Variants in C2CD2 observed in about 807,000 individuals in gnomAD.
C2CD2 encodes C2 calcium dependent domain containing 2.
A neutral mutation model predicts 74.3 loss-of-function variants in C2CD2; 43 were observed. The observed-to-expected ratio is 0.58, with a 90% confidence interval of 0.45 to 0.75. The LOEUF (loss-of-function observed/expected upper bound fraction) is 0.75. Among genes scored for constraint, C2CD2 ranks in the 30% least tolerant of loss-of-function variants. C2CD2 has a pLI of 0.00. For synonymous variants in C2CD2, 422 were observed against 390.7 expected (o/e 1.08, Z -0.94); for missense variants, 801 against 916.3 (o/e 0.87, Z 1.63).
In C2CD2 at chr21:41,915,598, G is replaced by A. The variant is rs150943336; in HGVS notation, c.721-877C>T. On this transcript the variant is annotated intron_variant, in intron 5 of 13. Transcript: ENST00000380486. The stretch of plus-strand genomic sequence containing the variant: ...ATTACAGGTGCCCGCCACCACACCC[G>A]GCTAATTCTTTTTGTATTTTTAGTA... Among the ~76,000 whole-genome samples the A allele has an allele frequency of 2.6e-3, 400 of 152,082 alleles. 1 individual carries two copies. Among genetic ancestry groups the A allele is most frequent in the African/African-American group, 6.4e-3 (265 of 41,492 alleles).
chr21:41,944,295 G>A (rs1163294980), intron 1 of C2CD2, among the ~76,000 whole-genome samples: 1 of 152,072 alleles, frequency 6.6e-6, no homozygotes, highest in Non-Finnish European at 1.5e-5. Context: ...GACGGATCAC[G>A]AGGTCAGGCG....
intron 6 of C2CD2, 113 bp downstream of exon 6, chr21:41,914,485 C>T (rs1490807519): frequency 2.4e-6 from 2 of 822,450 alleles, no homozygotes; most frequent in East Asian, 5.7e-5. Flanking sequence ...AGGGCTCCCG[C>T]TGCACCCCCA....
chr21:41,886,406 A>C lies in C2CD2; in HGVS notation c.*2718T>G, dbSNP rs1168664274. ...CACCATGAAAAAACAAACCTGTATAAAACAGCTTGGAAAACAAACATTCAC... is the reference window on the plus strand; with the variant it reads ...CACCATGAAAAAACAAACCTGTATACAACAGCTTGGAAAACAAACATTCAC... On this transcript the variant is annotated 3_prime_UTR_variant, in exon 14 of 14. Coordinates refer to ENST00000380486, the MANE Select transcript of C2CD2 (RefSeq NM_015500.2). 2.6e-5 allele frequency: 4 copies of C among 152,250 alleles called. No individual in the cohort carries two copies. Among genetic ancestry groups the C allele is most frequent in the Admixed American group, 2.6e-4 (4 of 15,286 alleles). The allele number at this position is 152,250 out of a possible 1,614,324, so 9.4% of individuals were successfully genotyped here.
chr21:41,946,334 T>A (rs1298909257), intron 1 of C2CD2, among the ~76,000 whole-genome samples: 1 of 152,204 alleles, frequency 6.6e-6, no homozygotes, highest in Admixed American at 6.5e-5. Context: ...TAATCTCCAG[T>A]GTTACCAGAT....
At position 41,914,648 on chromosome 21, in the gene C2CD2, A is replaced by G. The variant is rs2065067703; in HGVS notation, c.794T>C (p.Leu265Pro). Reference sequence around the variant, plus strand: ...CAAGACGTGGATGTTCCTCACCAGTAGCTTCAGCTCGTGAGCCCTTGGAGG... The same window carrying G: ...CAAGACGTGGATGTTCCTCACCAGTGGCTTCAGCTCGTGAGCCCTTGGAGG... ...PKPPRAHELK[L>P]LVRNIHVLLL... The change falls in exon 6 of 14, where the codon CTA becomes CCA. Residue 265 changes from leucine (L) to proline (P), a missense_variant. Transcript: ENST00000380486. The G allele has an allele frequency of 3.7e-6, 6 of 1,613,718 alleles. No individual in the cohort carries two copies. The highest frequency in any genetic ancestry group is 1.7e-5 in the Admixed American group (1 of 59,994).
chr21:41,901,586 A>T, intron 12 of C2CD2, 36 bp downstream of exon 12: 1 of 1,611,976 alleles, frequency 6.2e-7, no homozygotes. Context: ...CTGACAGATG[A>T]CCAGATGAAC....
chr21:41,946,615 C>A (rs538997180), intron 1 of C2CD2, among the ~76,000 whole-genome samples: 1 of 152,324 alleles, frequency 6.6e-6, no homozygotes, highest in South Asian at 2.1e-4. Flanking sequence ...AATTAAACCT[C>A]ATTTCTTATA....
At chr21:41,952,181 C>T (rs764397991) in intron 1 of C2CD2, among the ~76,000 whole-genome samples, 1 of 152,254 alleles carries the variant, frequency 6.6e-6, no homozygotes. Context: ...AGTCAGTCAA[C>T]TGACCCTGAA....
intron 4 of C2CD2, 52 bp from the exon 5 acceptor site, chr21:41,918,279 C>A (rs2065115385): frequency 1.3e-6 from 2 of 1,596,376 alleles, no homozygotes; most frequent in South Asian, 2.3e-5. Flanking sequence ...CCACTCCCTG[C>A]TCCCAATCTC....
At chr21:41,909,110 C>T (rs974657799) in intron 8 of C2CD2, among the ~76,000 whole-genome samples, 2 of 152,166 alleles carry the variant, frequency 1.3e-5, no homozygotes, top group African/African-American at 2.4e-5. Context: ...GTTTATCTTA[C>T]TACAGTTAAA....
chr21:41,922,290 A>C (rs1032141446), intron 2 of C2CD2, among the ~76,000 whole-genome samples: 3 of 147,528 alleles, frequency 2.0e-5, no homozygotes, highest in South Asian at 4.3e-4. Flanking sequence ...TCCTGAGTAC[A>C]TGAAACTACA....
chr21:41,897,473 G>A (rs117474463), intron 13 of C2CD2, among the ~76,000 whole-genome samples: 4,970 of 152,234 alleles, frequency 0.033, 127 homozygotes, highest in Non-Finnish European at 0.049. Context: ...CATAACCCAA[G>A]CCAAGGCCTC....
chr21:41,894,372 A>G (rs2064795551), intron 13 of C2CD2, among the ~76,000 whole-genome samples: 1 of 152,200 alleles, frequency 6.6e-6, no homozygotes, highest in African/African-American at 2.4e-5. Context: ...ACAAATGAGG[A>G]AGCTAAGGTT....
chr21:41,908,667 A>G (rs2064993453), intron 8 of C2CD2: 1 of 152,208 alleles, frequency 6.6e-6, no homozygotes, highest in Non-Finnish European at 1.5e-5. Flanking sequence ...TGGGAGAAAT[A>G]ACAACTTTCT....
intron 6 of C2CD2, among the ~76,000 whole-genome samples, chr21:41,914,095 G>A (rs571478720): frequency 6.6e-6 from 1 of 152,176 alleles, no homozygotes; most frequent in Non-Finnish European, 1.5e-5. Context: ...GCGTGGTGGT[G>A]CACGCCTGTA....
intron 7 of C2CD2, among the ~76,000 whole-genome samples, chr21:41,910,310 T>A (rs1601567932): frequency 6.6e-6 from 1 of 152,226 alleles, no homozygotes; most frequent in African/African-American, 2.4e-5. Flanking sequence ...ATTTCATAAC[T>A]ATACACAAGC....
At chr21:41,906,308 TC>T (rs1211585517) in intron 10 of C2CD2, among the ~76,000 whole-genome samples, 2 of 152,236 alleles carry the variant, frequency 1.3e-5, no homozygotes, top group African/African-American at 4.8e-5. Flanking sequence ...TTTGAATTTT[TC>T]AAGAAAAAAG....
chr21:41,947,496 T>C (rs79651897), intron 1 of C2CD2, among the ~76,000 whole-genome samples: 3,527 of 152,252 alleles, frequency 0.023, 151 homozygotes, highest in African/African-American at 0.08. Context: ...TCTCCTTGTG[T>C]TATGAATCAT....
chr21:41,951,512 A>G (rs1444902191), intron 1 of C2CD2, among the ~76,000 whole-genome samples: 1 of 152,190 alleles, frequency 6.6e-6, no homozygotes, highest in Non-Finnish European at 1.5e-5. Context: ...CAGGAGAGAC[A>G]GGTGTCTGAG....
Sources: gnomAD v4.1 joint callset for allele counts (sites outside exome capture counted in the v4.1 genomes callset) on GRCh38, gnomAD v4.1.1 for gene constraint, MANE v1.5 for transcripts, NCBI Gene and HGNC (gene_info 2026-07-23, HGNC 2026-07-21) for gene names.